The following NRXN3 variants were observed in gnomAD, a reference collection of about 807,000 sequenced individuals.
NRXN3 encodes neurexin 3, also known as neurexin III.
Under a neutral mutation model 137.6 loss-of-function variants are expected in NRXN3, and 32 were observed. The observed-to-expected ratio is 0.23, with a 90% CI of 0.18 to 0.31. NRXN3 has a LOEUF of 0.31. Ranked by LOEUF, NRXN3 falls within the 10% of genes least tolerant of loss-of-function variation. The probability of loss-of-function intolerance (pLI) is 1.00; values close to 1 mark genes in which losing one functional copy is unlikely to be tolerated. For missense variants in NRXN3, 1,574 were observed against 2,062.5 expected (o/e 0.76, Z 4.59); for synonymous variants, 798 against 784.5 (o/e 1.02, Z -0.29).
chr14:78,405,976 C>T (rs2092459026), intron 4 of NRXN3, among the ~76,000 whole-genome samples: 1 of 152,158 alleles, frequency 6.6e-6, no homozygotes, highest in Non-Finnish European at 1.5e-5. Context: ...CCGAGACTCA[C>T]ATATTATGCA....
At chr14:78,247,327 A>G (rs536935092) in intron 2 of NRXN3, among the ~76,000 whole-genome samples, 1 of 152,178 alleles carries the variant, frequency 6.6e-6, no homozygotes, top group East Asian at 1.9e-4. Flanking sequence ...GCTTTGGGAG[A>G]GTTTGGACCT....
At chr14:79,456,738 G>A (rs895836184) in intron 15 of NRXN3, among the ~76,000 whole-genome samples, 6 of 151,716 alleles carry the variant, frequency 4.0e-5, no homozygotes, top group Non-Finnish European at 8.8e-5. Context: ...GAAAAGAAAG[G>A]AGAAGAGAGG....
intron 9 of NRXN3, among the ~76,000 whole-genome samples, chr14:78,806,591 CT>C (rs1034991562): frequency 1.3e-5 from 2 of 152,112 alleles, no homozygotes; most frequent in Non-Finnish European, 2.9e-5. Context: ...ATATAAAAGC[CT>C]AGTATATATT....
chr14:79,018,085 C>A (rs1338491868), intron 15 of NRXN3, among the ~76,000 whole-genome samples: 2 of 151,338 alleles, frequency 1.3e-5, no homozygotes, highest in Non-Finnish European at 2.9e-5. Flanking sequence ...CATGGTGAAA[C>A]CCCATCTCTA....
intron 17 of NRXN3, among the ~76,000 whole-genome samples, chr14:79,679,304 T>C (rs1289214454): frequency 1.3e-5 from 2 of 152,180 alleles, no homozygotes; most frequent in Non-Finnish European, 2.9e-5. Context: ...ATGTAGTTAA[T>C]ATTCAATGAA....
intron 16 of NRXN3, among the ~76,000 whole-genome samples, chr14:79,652,457 A>ATCTT (rs543685001): frequency 3.3e-5 from 5 of 152,090 alleles, no homozygotes; most frequent in Non-Finnish European, 7.4e-5. Context: ...TGCCTGCCAT[A>ATCTT]TCTTAGGGGA....
intron 15 of NRXN3, among the ~76,000 whole-genome samples, chr14:79,439,918 T>G (rs1479217196): frequency 6.6e-6 from 1 of 152,232 alleles, no homozygotes; most frequent in Non-Finnish European, 1.5e-5. Context: ...TCCTGTTTTT[T>G]GTGGGCTCTT....
intron 19 of NRXN3, among the ~76,000 whole-genome samples, chr14:79,708,967 ATG>A (rs746515868): frequency 1.1e-4 from 16 of 151,288 alleles, no homozygotes; most frequent in Admixed American, 2.6e-4. Context: ...CCATCTTATT[ATG>A]TGTGTGTGTG....
At chr14:78,748,512 G>A (rs2152944810) in intron 8 of NRXN3, among the ~76,000 whole-genome samples, 1 of 152,154 alleles carries the variant, frequency 6.6e-6, no homozygotes, top group Non-Finnish European at 1.5e-5. Flanking sequence ...AGCTAAATGA[G>A]GAATTGGTAT....
At chr14:79,023,587 G>T (rs1311419519) in intron 15 of NRXN3, among the ~76,000 whole-genome samples, 1 of 152,046 alleles carries the variant, frequency 6.6e-6, no homozygotes, top group Non-Finnish European at 1.5e-5. Flanking sequence ...AAGAAAAGAG[G>T]TTTAATTGAC....
Position 79,267,506 on chromosome 14 carries a change from C to A in NRXN3, c.3263-199715C>A, listed in dbSNP as rs1213301245. 2.6e-5 allele frequency among the ~76,000 whole-genome samples: 4 copies of A among 152,162 alleles called. No homozygotes were observed. In the East Asian group the frequency reaches 7.8e-4, roughly 29 times the overall value. ...CCTAGTAGCTGGGATTACAAGCATG[C>A]ACCACCACACCCAGCTAAGTTTTGT... On this transcript the variant is annotated intron_variant, in intron 15 of 20. Coordinates refer to ENST00000335750, the MANE Select transcript of NRXN3 (RefSeq NM_001330195.2).
At chr14:79,828,819 G>T (rs1201814547) in intron 20 of NRXN3, among the ~76,000 whole-genome samples, 2 of 151,954 alleles carry the variant, frequency 1.3e-5, no homozygotes, top group African/African-American at 4.8e-5. Flanking sequence ...GATTGAGAGA[G>T]ACTCAAGACA....
intron 19 of NRXN3, among the ~76,000 whole-genome samples, chr14:79,736,648 C>A (rs143780927): frequency 6.8e-4 from 104 of 152,230 alleles, no homozygotes; most frequent in African/African-American, 2.4e-3. Flanking sequence ...GGGGCCATCG[C>A]GAGTGTGGAG....
intron 6 of NRXN3, among the ~76,000 whole-genome samples, chr14:78,699,484 TC>T (rs1175077519): frequency 6.6e-6 from 1 of 152,204 alleles, no homozygotes; most frequent in Non-Finnish European, 1.5e-5. Context: ...GACATGTTAT[TC>T]CCAGACATGT....
At chr14:78,663,805 T>C (rs866588711) in intron 6 of NRXN3, among the ~76,000 whole-genome samples, 6 of 152,318 alleles carry the variant, frequency 3.9e-5, no homozygotes, top group Middle Eastern at 3.4e-3. Flanking sequence ...ACAACATTCC[T>C]ACTGAGACAA....
chr14:78,381,746 G>A (rs1175863873), intron 4 of NRXN3, among the ~76,000 whole-genome samples: 3 of 152,178 alleles, frequency 2.0e-5, no homozygotes, highest in African/African-American at 7.2e-5. Context: ...ATACTTGCCA[G>A]TAATCAAAAG....
intron 4 of NRXN3, among the ~76,000 whole-genome samples, chr14:78,446,394 CATT>C (rs1314819049): frequency 6.7e-6 from 1 of 150,088 alleles, no homozygotes; most frequent in Non-Finnish European, 1.5e-5. Flanking sequence ...ATGTGCTTAA[CATT>C]ATGCTCTAGG....
At chr14:79,476,592 G>C (rs568677414) in intron 16 of NRXN3, among the ~76,000 whole-genome samples, 1 of 152,116 alleles carries the variant, frequency 6.6e-6, no homozygotes, top group African/African-American at 2.4e-5. Flanking sequence ...TAATGACATA[G>C]ATTATTACTT....
intron 20 of NRXN3, among the ~76,000 whole-genome samples, chr14:79,828,765 G>A (rs2099313666): frequency 6.6e-6 from 1 of 150,900 alleles, no homozygotes; most frequent in Non-Finnish European, 1.5e-5. Flanking sequence ...GATGACACTT[G>A]GTAGTTCAGT....
Sources: allele counts gnomAD v4.1 joint callset (sites outside exome capture counted in the v4.1 genomes callset), GRCh38; gene constraint gnomAD v4.1.1; transcripts MANE v1.5; gene names NCBI Gene and HGNC (gene_info 2026-07-23, HGNC 2026-07-21).